ELAPOR1: variants seen among roughly 807,000 people sequenced by gnomAD.
ELAPOR1 encodes the protein endosome/lysosome-associated apoptosis and autophagy regulator 1.
ELAPOR1 carries 77 observed loss-of-function variants against 119.7 expected under a neutral mutation model. The ratio of observed to expected loss-of-function variants is 0.64; its 90% confidence interval spans 0.54 to 0.78. The LOEUF is 0.78. Among genes scored for constraint, ELAPOR1 ranks in the 30% least tolerant of loss-of-function variants. ELAPOR1 has a pLI of 0.00. For synonymous variants in ELAPOR1, 481 were observed against 487.2 expected, an observed-to-expected ratio of 0.99 and a Z score of 0.17; for missense variants, 1,115 against 1,270.4, an observed-to-expected ratio of 0.88 and a Z score of 1.86.
chr1:109,177,205 C>T (rs1186955414), intron 7 of ELAPOR1, among the ~76,000 whole-genome samples: 3 of 150,134 alleles, frequency 2.0e-5, no homozygotes, highest in African/African-American at 5.0e-5. Context: ...CCCCTCACCT[C>T]CTGGACGGGG....
chr1:109,174,429 A>T (rs891167798), intron 7 of ELAPOR1, among the ~76,000 whole-genome samples: 3 of 140,536 alleles, frequency 2.1e-5, no homozygotes, highest in African/African-American at 8.6e-5. Flanking sequence ...AAAAAAAAAA[A>T]AAAAAAAAAA....
chr1:109,173,961 T>G lies in ELAPOR1; in HGVS notation c.952+124T>G, dbSNP rs79214255. On this transcript the variant is annotated intron_variant, in intron 7 of 21. Transcript: ENST00000369939. ...AGGATGGTAATTCTTAAACCCTTCC[T>G]TTCTGGATCCTGGAATACCCTTGCC... The G allele has an allele frequency of 3.1e-3, 3,232 of 1,042,306 alleles. 64 individuals are homozygous for G. The African/African-American group carries it at 0.046, about 15-fold the overall frequency. The allele number at this position is 1,042,306 out of a possible 1,614,324, so 64.6% of individuals were successfully genotyped here.
chr1:109,114,132 A>G lies in ELAPOR1; in HGVS notation c.-52A>G. The G allele has an allele frequency of 2.7e-6, 4 of 1,468,046 alleles. No homozygotes were observed. The highest frequency in any genetic ancestry group is 3.6e-6 in the Non-Finnish European group (4 of 1,104,092). 90.9% of individuals were successfully genotyped at this position (1,468,046 alleles called of 1,614,324 possible). On this transcript the variant is annotated 5_prime_UTR_variant, in exon 1 of 22. Transcript: ENST00000369939. Reference sequence around the variant, plus strand: ...TTTTTTTCCGCCTTCTGCCAGCAGAAGCAGCAGCCGCAGCACCTGAGCCGC... The same window carrying G: ...TTTTTTTCCGCCTTCTGCCAGCAGAGGCAGCAGCCGCAGCACCTGAGCCGC...
At chr1:109,144,061 A>ATATATATATATATATATTTTTT in intron 1 of ELAPOR1, among the ~76,000 whole-genome samples, 1 of 89,016 alleles carries the variant, frequency 1.1e-5, no homozygotes, top group Non-Finnish European at 2.1e-5. Context: ...ATATTTATAT[A>ATATATATATATATATATTTTTT]TTTTTTTTTT....
Position 109,194,432 on chromosome 1 carries a change from G to T in ELAPOR1, c.1959G>T (p.Leu653=), listed in dbSNP as rs751255833. 1 of 1,613,750 alleles carries T rather than the reference G, an allele frequency of 6.2e-7. No homozygotes were observed. The highest frequency in any genetic ancestry group is 8.5e-7 in the Non-Finnish European group (1 of 1,179,726). The stretch of plus-strand genomic sequence containing the variant: ...CCTCTCCCCCTCAGATCCACTCTCT[G>T]TGCTACAACGATTGCACCTTCTCAC... ...PGTKNNKIHS[L]CYNDCTFSRN... The change falls in exon 15 of 22, where the codon CTG becomes CTT. Residue 653 remains leucine, a synonymous_variant. Coordinates refer to ENST00000369939, the MANE Select transcript of ELAPOR1 (RefSeq NM_020775.5).
chr1:109,197,800 C>CCACTCTGTGTGCA, intron 16 of ELAPOR1, 146 bp downstream of exon 16: 1 of 1,072,396 alleles, frequency 9.3e-7, no homozygotes, highest in Non-Finnish European at 1.3e-6. Context: ...GTTTTCTATT[C>CCACTCTGTGTGCA]CACTCTGTGT....
At chr1:109,158,423 G>A (rs571474131) in intron 1 of ELAPOR1, among the ~76,000 whole-genome samples, 39 of 151,050 alleles carry the variant, frequency 2.6e-4, no homozygotes, top group Admixed American at 1.4e-3. Flanking sequence ...CAGTGTTACC[G>A]ACAGATCAGT....
intron 11 of ELAPOR1, among the ~76,000 whole-genome samples, chr1:109,191,128 C>G (rs556068814): frequency 6.6e-6 from 1 of 151,970 alleles, no homozygotes. Flanking sequence ...GGTCTCCCCG[C>G]GATGATGGGG....
intron 1 of ELAPOR1, among the ~76,000 whole-genome samples, chr1:109,124,511 A>G (rs940525265): frequency 6.6e-6 from 1 of 152,256 alleles, no homozygotes; most frequent in African/African-American, 2.4e-5. Context: ...TACTGAAGTG[A>G]ACACTTGCAT....
chr1:109,189,786 A>C (rs1056528937), intron 11 of ELAPOR1, 104 bp downstream of exon 11: 1 of 818,212 alleles, frequency 1.2e-6, no homozygotes, highest in Admixed American at 2.1e-5. Context: ...GTTGTGTTTC[A>C]TTTCATTTCA....
chr1:109,120,133 C>T (rs1219745707), intron 1 of ELAPOR1, among the ~76,000 whole-genome samples: 1 of 152,172 alleles, frequency 6.6e-6, no homozygotes, highest in African/African-American at 2.4e-5. Flanking sequence ...CACCATGGCT[C>T]ATGCCTGTAA....
chr1:109,142,803 T>C (rs969256065), intron 1 of ELAPOR1, among the ~76,000 whole-genome samples: 1 of 152,218 alleles, frequency 6.6e-6, no homozygotes, highest in Non-Finnish European at 1.5e-5. Context: ...TCTAGGTATA[T>C]TCACAAGAGA....
At chr1:109,155,289 C>T (rs1041752944) in intron 1 of ELAPOR1, among the ~76,000 whole-genome samples, 3 of 147,722 alleles carry the variant, frequency 2.0e-5, no homozygotes, top group Non-Finnish European at 2.9e-5. Flanking sequence ...CATTCTCCTG[C>T]CTCAGCCTCC....
intron 1 of ELAPOR1, among the ~76,000 whole-genome samples, chr1:109,118,673 C>G (rs144030884): frequency 6.6e-6 from 1 of 151,852 alleles, no homozygotes; most frequent in East Asian, 1.9e-4. Flanking sequence ...TGGTGACGGG[C>G]GGGTCAAGGA....
intron 7 of ELAPOR1, among the ~76,000 whole-genome samples, chr1:109,177,216 C>T (rs1236104526): frequency 2.8e-5 from 4 of 144,150 alleles, no homozygotes; most frequent in South Asian, 2.2e-4. Flanking sequence ...CTGGACGGGG[C>T]GGCTGGCCGG....
intron 1 of ELAPOR1, among the ~76,000 whole-genome samples, chr1:109,146,890 C>G (rs1333773677): frequency 6.6e-6 from 1 of 151,896 alleles, no homozygotes; most frequent in East Asian, 1.9e-4. Context: ...CAGGTGTAAG[C>G]CAACATGCCT....
chr1:109,174,089 T>C (rs1652095617), intron 7 of ELAPOR1, among the ~76,000 whole-genome samples: 1 of 148,024 alleles, frequency 6.8e-6, no homozygotes, highest in Non-Finnish European at 1.5e-5. Context: ...CATAGCTCAC[T>C]GCAGCCTCAA....
At chr1:109,184,408 G>T (rs1652926099) in intron 7 of ELAPOR1, among the ~76,000 whole-genome samples, 1 of 152,276 alleles carries the variant, frequency 6.6e-6, no homozygotes, top group South Asian at 2.1e-4. Context: ...TGGGATGCTT[G>T]GGTTGAGGCA....
At chr1:109,166,947 C>CT in intron 3 of ELAPOR1, among the ~76,000 whole-genome samples, 1 of 152,320 alleles carries the variant, frequency 6.6e-6, no homozygotes, top group South Asian at 2.1e-4. Context: ...ATACTTAAAT[C>CT]TTGTCTAAGC....
Sources: allele counts gnomAD v4.1 joint callset (sites outside exome capture counted in the v4.1 genomes callset), GRCh38; gene constraint gnomAD v4.1.1; transcripts MANE v1.5; gene names NCBI Gene and HGNC (gene_info 2026-07-23, HGNC 2026-07-21).